The following RPE65 variants were observed in gnomAD, a reference collection of about 807,000 sequenced individuals.
RPE65 encodes the protein retinoid isomerohydrolase.
RPE65 carries 58 observed loss-of-function variants against 68.5 expected under a neutral mutation model. That is an observed-to-expected ratio of 0.85 (90% CI 0.69 to 1.05). The LOEUF (loss-of-function observed/expected upper bound fraction) is 1.05, where lower values mean the gene tolerates loss of function less well. RPE65 is among the 50% of genes least tolerant of loss of function. The pLI is 0.00. For synonymous variants in RPE65, 220 were observed against 222.2 expected, an observed-to-expected ratio of 0.99 and a Z score of 0.09; for missense variants, 643 against 629.9, an observed-to-expected ratio of 1.02 and a Z score of -0.22.
chr1:68,431,243 C>G (rs1211914456), intron 12 of RPE65, 39 bp downstream of exon 12: 4 of 1,609,972 alleles, frequency 2.5e-6, no homozygotes, highest in Non-Finnish European at 2.5e-6. Flanking sequence ...AGCATATACT[C>G]AAAGCACTGT....
chr1:68,439,508 C>A, intron 7 of RPE65, 53 bp downstream of exon 7: 1 of 1,593,384 alleles, frequency 6.3e-7, no homozygotes, highest in Non-Finnish European at 8.6e-7. Context: ...GTAGGCAAAG[C>A]AAATCTTTAA....
In RPE65 at chr1:68,440,908, A is replaced by G; in HGVS notation, c.588T>C (p.Phe196=). 1 of 1,614,080 alleles carries G rather than the reference A, an allele frequency of 6.2e-7. No individual in the cohort carries two copies. Among genetic ancestry groups the G allele is most frequent in the Non-Finnish European group, 8.5e-7 (1 of 1,179,956 alleles). The change falls in exon 6 of 14, where the codon TTT becomes TTC. Residue 196 remains phenylalanine, a synonymous_variant. Transcript: ENST00000262340. The part of the protein sequence containing the change: ...DGTVYNIGNC[F]GKNFSIAYNI... Reference sequence around the variant, plus strand: ...TGTAGGCAATTGAAAAATTTTTTCCAAAGCAATTACCAATATTGTAAACGG... The same window carrying G: ...TGTAGGCAATTGAAAAATTTTTTCCGAAGCAATTACCAATATTGTAAACGG...
At chr1:68,446,571 A>G (rs1237393501) in intron 3 of RPE65, 139 bp downstream of exon 3, 1 of 964,880 alleles carries the variant, frequency 1.0e-6, no homozygotes, top group East Asian at 2.5e-5. Context: ...CCATGCAGAC[A>G]CACTGGCCCA....
chr1:68,439,148 C>A, intron 8 of RPE65, 43 bp downstream of exon 8: 1 of 1,613,966 alleles, frequency 6.2e-7, no homozygotes, highest in Non-Finnish European at 8.5e-7. Context: ...TTAAACACAT[C>A]TTCTTCAGAA....
Position 68,440,946 on chromosome 1 carries a change from CA to C in RPE65, c.549del (p.Ile183MetfsTer25). 2.5e-6 allele frequency: 4 copies of C among 1,613,970 alleles called. No homozygotes were observed. The highest frequency in any genetic ancestry group is 2.5e-6 in the Non-Finnish European group (3 of 1,179,930). On this transcript the variant is annotated frameshift_variant, in exon 6 of 14. Coordinates refer to ENST00000262340, the MANE Select transcript of RPE65 (RefSeq NM_000329.3). LOFTEE classifies it high-confidence loss of function. ...ATATTGTAAACGGTTCCATCATTTT[CA>C]ATGTGGGGGTGAGCAGTGGCCCCAT... is the stretch of plus-strand genomic sequence containing the variant. ...SVNGATAHPH[I>X]ENDGTVYNIG...
chr1:68,434,139 CAT>C (rs2100811592), intron 10 of RPE65, among the ~76,000 whole-genome samples: 1 of 149,440 alleles, frequency 6.7e-6, no homozygotes, highest in South Asian at 2.1e-4. Flanking sequence ...CACACACACA[CAT>C]ATACATCACT....
At chr1:68,445,693 T>G (rs1033929136) in intron 3 of RPE65, among the ~76,000 whole-genome samples, 3 of 152,036 alleles carry the variant, frequency 2.0e-5, no homozygotes, top group African/African-American at 7.2e-5. Flanking sequence ...TTTCTGTATT[T>G]TTAGTAGAGA....
chr1:68,437,801 A>G (rs1645871853), intron 10 of RPE65, among the ~76,000 whole-genome samples: 1 of 152,244 alleles, frequency 6.6e-6, no homozygotes, highest in South Asian at 2.1e-4. Flanking sequence ...CTACAAGAGT[A>G]CTTTTTGATG....
intron 13 of RPE65, among the ~76,000 whole-genome samples, chr1:68,430,432 G>A (rs147404786): frequency 1.0e-3 from 154 of 152,270 alleles, no homozygotes; most frequent in African/African-American, 3.5e-3. Context: ...TTACAGCTTC[G>A]ACTGGATATA....
chr1:68,446,472 T>C (rs1208373183), intron 3 of RPE65, among the ~76,000 whole-genome samples: 2 of 152,212 alleles, frequency 1.3e-5, no homozygotes, highest in Non-Finnish European at 2.9e-5. Flanking sequence ...GTCATGTCTG[T>C]TGAATACAGG....
In RPE65 at chr1:68,429,050, GT is replaced by G. The variant is rs544942843; in HGVS notation, c.*725del. 1.5e-5 allele frequency: 2 copies of G among 135,796 alleles called. No homozygotes were observed. Among genetic ancestry groups the G allele is most frequent in the Non-Finnish European group, 1.6e-5 (1 of 63,420 alleles). The allele number at this position is 135,796 out of a possible 1,614,324, so 8.4% of individuals were successfully genotyped here. A position where few individuals can be genotyped will look rare whatever the true frequency, so the allele number is the denominator to read the frequency against. On this transcript the variant is annotated 3_prime_UTR_variant, in exon 14 of 14. Coordinates refer to ENST00000262340, the MANE Select transcript of RPE65 (RefSeq NM_000329.3). ...ATTACATTTTTAAGCATTTTATGCT[GT>G]TTTTTTAAATATAGTCACTACTATA...
At chr1:68,434,173 T>C (rs1323513745) in intron 10 of RPE65, among the ~76,000 whole-genome samples, 3 of 143,672 alleles carry the variant, frequency 2.1e-5, no homozygotes, top group South Asian at 2.2e-4. Context: ...TTAGATAAAA[T>C]GAGATGAAAA....
chr1:68,446,883 C>T (rs762809797), intron 2 of RPE65, 23 bp from the exon 3 acceptor site: 1 of 1,612,716 alleles, frequency 6.2e-7, no homozygotes, highest in Non-Finnish European at 8.5e-7. Context: ...GGAGACAGAA[C>T]ATTGCTTCTT....
At position 68,440,956 on chromosome 1, in the gene RPE65, G is replaced by T; in HGVS notation, c.540C>A (p.His180Gln). 2 of 1,613,956 alleles carry T rather than the reference G, an allele frequency of 1.2e-6. No homozygotes were observed. The highest frequency in any genetic ancestry group is 1.7e-6 in the Non-Finnish European group (2 of 1,179,920). ...NYVSVNGATA[H>Q]PHIENDGTVY... Reference sequence around the variant, plus strand: ...CGGTTCCATCATTTTCAATGTGGGGGTGAGCAGTGGCCCCATTGACAGAGA... The same window carrying T: ...CGGTTCCATCATTTTCAATGTGGGGTTGAGCAGTGGCCCCATTGACAGAGA... Residue 180 changes from histidine (H) to glutamine (Q), a missense_variant, in exon 6 of 14, where the codon CAC (histidine) becomes CAA (glutamine). By Grantham distance (24) the His-to-Gln change is conservative. Coordinates refer to ENST00000262340, the MANE Select transcript of RPE65 (RefSeq NM_000329.3).
intron 1 of RPE65, among the ~76,000 whole-genome samples, chr1:68,449,496 T>C (rs763801112): frequency 6.6e-6 from 1 of 152,210 alleles, no homozygotes; most frequent in African/African-American, 2.4e-5. Flanking sequence ...CTTTGCATGG[T>C]ATTATCTCTT....
At position 68,431,516 on chromosome 1, in the gene RPE65, T is replaced by A. The variant is rs1645826225; in HGVS notation, c.1198A>T (p.Thr400Ser). Residue 400 changes from threonine to serine, a missense_variant, in exon 11 of 14, where the codon ACT (threonine) becomes TCT (serine). Transcript: ENST00000262340. ...TATAILCSDE[T>S]IWLEPEVLFS... is the part of the protein sequence containing the mutation. Reference sequence around the variant, plus strand: ...AGAACTTCAGGCTCCAGCCAGATAGTCTCGTCACTGCACAGAATTGCAGTG... The same window carrying A: ...AGAACTTCAGGCTCCAGCCAGATAGACTCGTCACTGCACAGAATTGCAGTG... The A allele has an allele frequency of 2.5e-6, 4 of 1,613,814 alleles. No individual in the cohort carries two copies. In the African/African-American group the frequency reaches 5.3e-5, roughly 22 times the overall value.
chr1:68,432,073 A>G (rs1645830963), intron 10 of RPE65, among the ~76,000 whole-genome samples: 1 of 151,848 alleles, frequency 6.6e-6, no homozygotes, highest in Non-Finnish European at 1.5e-5. Context: ...AAAAGAAAAA[A>G]AAAAAACGCT....
At chr1:68,447,889 A>C (rs1055537653) in intron 2 of RPE65, among the ~76,000 whole-genome samples, 1 of 151,936 alleles carries the variant, frequency 6.6e-6, no homozygotes, top group African/African-American at 2.4e-5. Context: ...AACAAACAAA[A>C]AAAACCCCAG....
Position 68,438,288 on chromosome 1 carries a change from A to G in RPE65, c.1027T>C (p.Leu343=). ...TCCCAGTTCTCACGTAAATTGGCTA[A>G]ATATAAGTAATTATAAACAAACTCA... The part of the protein sequence containing the change: ...GFEFVYNYLY[L]ANLRENWEEV... Residue 343 remains leucine (L), a synonymous_variant, in exon 10 of 14, where the codon TTA becomes CTA. Transcript: ENST00000262340. The G allele has an allele frequency of 6.2e-7, 1 of 1,613,712 alleles. No individual in the cohort carries two copies. Among genetic ancestry groups the G allele is most frequent in the Non-Finnish European group, 8.5e-7 (1 of 1,179,846 alleles).
Sources: gnomAD v4.1 joint callset for allele counts (sites outside exome capture counted in the v4.1 genomes callset) on GRCh38, gnomAD v4.1.1 for gene constraint, MANE v1.5 for transcripts, NCBI Gene and HGNC (gene_info 2026-07-23, HGNC 2026-07-21) for gene names.